Variants in MALRD1 observed in about 807,000 individuals in gnomAD.
MALRD1 encodes MAM and LDL-receptor class A domain-containing protein 1.
A neutral mutation model predicts 242.1 loss-of-function variants in MALRD1; 247 were observed. The observed-to-expected ratio is 1.02, with a 90% CI of 0.92 to 1.13. The LOEUF (loss-of-function observed/expected upper bound fraction) is 1.13. Ranked by LOEUF, MALRD1 falls within the 50% of genes most tolerant of loss-of-function variation. MALRD1 has a pLI of 0.00. For missense variants in MALRD1, 2,989 were observed against 2,533.1 expected (o/e 1.18, Z -3.86); for synonymous variants, 995 against 866.6 (o/e 1.15, Z -2.60).
At chr10:19,085,159 CTGGTTAGAGCTGT>C (rs1835626344) in intron 2 of MALRD1, among the ~76,000 whole-genome samples, 1 of 151,952 alleles carries the variant, frequency 6.6e-6, no homozygotes, top group Non-Finnish European at 1.5e-5. Flanking sequence ...TCTATTCTGG[CTGGTTAGAGCTGT>C]AGTAAAGGGG....
chr10:19,386,721 TAC>T (rs10687440), intron 26 of MALRD1, among the ~76,000 whole-genome samples: 11 of 149,004 alleles, frequency 7.4e-5, no homozygotes, highest in East Asian at 5.9e-4. Flanking sequence ...CATATACATA[TAC>T]ACACACACAC....
rs541015946 is a variant in MALRD1, at chr10:19,281,846, TG to T, written c.3257-1172del. Among the ~76,000 whole-genome samples the T allele has an allele frequency of 2.4e-3, 365 of 151,534 alleles. 2 individuals carry two copies. Among genetic ancestry groups the T allele is most frequent in the African/African-American group, 8.2e-3 (341 of 41,342 alleles). On this transcript the variant is annotated intron_variant, in intron 20 of 39. Coordinates refer to ENST00000454679, the MANE Select transcript of MALRD1 (RefSeq NM_001142308.3). ...CAAATTAGCTGGGTGTGGTGGCGTG[TG>T]CCTGTAATCCCAGCTACTTAGGAGG...
intron 36 of MALRD1, among the ~76,000 whole-genome samples, chr10:19,673,188 C>A (rs887535736): frequency 6.6e-6 from 1 of 152,082 alleles, no homozygotes; most frequent in Non-Finnish European, 1.5e-5. Context: ...CGAGACCATC[C>A]TGGCTAACAT....
chr10:19,294,481 G>A (rs995840796), intron 21 of MALRD1, among the ~76,000 whole-genome samples: 2 of 152,160 alleles, frequency 1.3e-5, no homozygotes, highest in Non-Finnish European at 2.9e-5. Flanking sequence ...TTCATAGATT[G>A]TATTGACTAG....
chr10:19,587,719 C>T (rs1228181040), intron 33 of MALRD1, among the ~76,000 whole-genome samples: 6 of 152,192 alleles, frequency 3.9e-5, no homozygotes, highest in African/African-American at 7.2e-5. Context: ...GTCTGCATAG[C>T]ACAAAGTGAA....
chr10:19,544,658 A>G lies in MALRD1; in HGVS notation c.5478+13307A>G, dbSNP rs533129065. On this transcript the variant is annotated intron_variant, in intron 32 of 39. Transcript: ENST00000454679. Reference sequence around the variant, plus strand: ...TAATAATCTACCCACCACCCACTAAAAGTAGATCTTTGGTCAGATTTGATT... The same window carrying G: ...TAATAATCTACCCACCACCCACTAAGAGTAGATCTTTGGTCAGATTTGATT... Among the ~76,000 whole-genome samples the G allele has an allele frequency of 1.0e-3, 154 of 152,226 alleles. 3 individuals are homozygous for G. In the South Asian group the frequency reaches 0.031, roughly 31 times the overall value.
At chr10:19,507,019 G>A (rs1028469609) in intron 31 of MALRD1, among the ~76,000 whole-genome samples, 10 of 152,068 alleles carry the variant, frequency 6.6e-5, no homozygotes, top group Admixed American at 2.0e-4. Flanking sequence ...TATGACAGAT[G>A]GTGAAGGGGG....
chr10:19,730,896 A>G, intron 39 of MALRD1, 115 bp downstream of exon 39: 1 of 986,724 alleles, frequency 1.0e-6, no homozygotes. Context: ...CATAACTAAA[A>G]GAAATGTTTT....
At chr10:19,166,426 G>C (rs1208840989) in intron 13 of MALRD1, among the ~76,000 whole-genome samples, 1 of 152,144 alleles carries the variant, frequency 6.6e-6, no homozygotes, top group Non-Finnish European at 1.5e-5. Flanking sequence ...GGCTGAGAAA[G>C]GTGGGGAGGA....
rs572999623 is a variant in MALRD1, at chr10:19,446,977, A to AT, written c.4846-3329dup. ...TTAAGTAAATAGGTGAAGTAACGAC[A>AT]TATGTGGAATAAAAATTTGGGAATT... On this transcript the variant is annotated intron_variant, in intron 28 of 39. Transcript: ENST00000454679. Among the ~76,000 whole-genome samples, 6 of 152,192 alleles carry AT rather than the reference A, an allele frequency of 3.9e-5. No homozygotes were observed. In the South Asian group the frequency reaches 1.2e-3, roughly 32 times the overall value.
intron 10 of MALRD1, among the ~76,000 whole-genome samples, chr10:19,144,999 G>C (rs1010320649): frequency 3.3e-5 from 5 of 151,924 alleles, no homozygotes; most frequent in Non-Finnish European, 1.5e-5. Context: ...CCCACTGTTT[G>C]AAAACTGCCT....
At chr10:19,245,128 T>C (rs1369719995) in intron 18 of MALRD1, among the ~76,000 whole-genome samples, 3 of 152,196 alleles carry the variant, frequency 2.0e-5, no homozygotes, top group African/African-American at 7.2e-5. Context: ...ATTAATTTTG[T>C]TTCAATGTTG....
chr10:19,556,402 C>T (rs1358141789), intron 32 of MALRD1, among the ~76,000 whole-genome samples: 9 of 152,062 alleles, frequency 5.9e-5, no homozygotes, highest in Admixed American at 5.9e-4. Flanking sequence ...AGTTTCACTG[C>T]CCTAAAATTC....
intron 38 of MALRD1, among the ~76,000 whole-genome samples, chr10:19,719,843 TA>T (rs200731928): frequency 0.041 from 5,960 of 146,890 alleles, 315 homozygotes; most frequent in African/African-American, 0.12. Flanking sequence ...ATTGTTTATT[TA>T]AAAAAAAAAA....
At chr10:19,521,662 G>A (rs1389566146) in intron 31 of MALRD1, among the ~76,000 whole-genome samples, 1 of 152,066 alleles carries the variant, frequency 6.6e-6, no homozygotes, top group Non-Finnish European at 1.5e-5. Context: ...ATATATTCTA[G>A]TTCTCTTCCA....
At chr10:19,584,187 A>G (rs1186772139) in intron 33 of MALRD1, among the ~76,000 whole-genome samples, 1 of 151,646 alleles carries the variant, frequency 6.6e-6, no homozygotes, top group African/African-American at 2.4e-5. Flanking sequence ...TCCTGGATTC[A>G]TTGATTTTTT....
intron 36 of MALRD1, among the ~76,000 whole-genome samples, chr10:19,676,350 T>A (rs1842139038): frequency 4.6e-5 from 7 of 152,300 alleles, no homozygotes; most frequent in Admixed American, 2.6e-4. Context: ...CATGGCAGAT[T>A]CAGGATGGGC....
At chr10:19,163,708 C>T (rs1272700724) in intron 12 of MALRD1, among the ~76,000 whole-genome samples, 2 of 152,160 alleles carry the variant, frequency 1.3e-5, no homozygotes, top group African/African-American at 2.4e-5. Flanking sequence ...GTATCAATAA[C>T]TTTTGTTCAG....
intron 38 of MALRD1, among the ~76,000 whole-genome samples, chr10:19,729,163 A>G (rs891055660): frequency 4.6e-5 from 7 of 152,222 alleles, no homozygotes; most frequent in Non-Finnish European, 8.8e-5. Flanking sequence ...ATGTATTGCC[A>G]GCCAAACATA....
Sources: allele counts gnomAD v4.1 joint callset (sites outside exome capture counted in the v4.1 genomes callset), GRCh38; gene constraint gnomAD v4.1.1; transcripts MANE v1.5; gene names NCBI Gene and HGNC (gene_info 2026-07-23, HGNC 2026-07-21).